The following HYDIN variants were observed in gnomAD, a reference collection of about 807,000 sequenced individuals.
The protein encoded by HYDIN is HYDIN axonemal central pair apparatus protein, also known as axonemal central pair apparatus protein HYDIN.
In HYDIN, 132 loss-of-function variants were observed where a neutral mutation model predicts 403.9. The ratio of observed to expected loss-of-function variants is 0.33; its 90% CI spans 0.28 to 0.38. The LOEUF is 0.38. Among genes scored for constraint, HYDIN ranks in the 10% least tolerant of loss-of-function variants. HYDIN has a pLI of 1.00. For missense variants in HYDIN, 2,827 were observed against 5,009.5 expected (o/e 0.56, Z 13.15); for synonymous variants, 1,202 against 1,891.7 (o/e 0.64, Z 9.46).
chr16:70,888,286 G>A (rs1296328952), intron 58 of HYDIN, among the ~76,000 whole-genome samples: 2 of 152,264 alleles, frequency 1.3e-5, no homozygotes, highest in African/African-American at 4.8e-5. Flanking sequence ...ACTGAAACCT[G>A]GACATTTTGG....
In HYDIN at chr16:70,868,680, T is replaced by C; in HGVS notation, c.11200A>G (p.Met3734Val). The change falls in exon 66 of 86, where the codon ATG (methionine) becomes GTG (valine). Residue 3734 changes from methionine to valine, a missense_variant. Met to Val is a conservative substitution (Grantham distance 21). Transcript: ENST00000393567. ...MRIRCKLSRI[M>V]FQLPADQVPD... ...ACCTGGTCTGCAGGGAGCTGAAACA[T>C]AATCCTGGAGAGCTTGCACCTGATC... 6.2e-7 allele frequency: 1 copy of C among 1,614,208 alleles called. No individual in the cohort carries two copies. Among genetic ancestry groups the C allele is most frequent in the African/African-American group, 1.3e-5 (1 of 75,068 alleles).
intron 57 of HYDIN, among the ~76,000 whole-genome samples, 164 bp downstream of exon 57, chr16:70,891,482 C>T (rs978239922): frequency 1.8e-4 from 28 of 152,386 alleles, no homozygotes; most frequent in African/African-American, 6.5e-4. Flanking sequence ...AGCCACTGCG[C>T]CCAGCTTTTG....
chr16:70,939,034 G>C (rs575445370), intron 43 of HYDIN, among the ~76,000 whole-genome samples: 545 of 152,296 alleles, frequency 3.6e-3, no homozygotes, highest in African/African-American at 0.012. Flanking sequence ...CTGCAGATGT[G>C]ATTAAATTTA....
chr16:70,872,158 T>C lies in HYDIN; in HGVS notation c.10970A>G (p.Gln3657Arg). ...LVAAALVDHI[Q>R]FGDCHIGHSY... is the part of the protein sequence containing the mutation. ...GTGTCCAATGTGGCAGTCCCCAAAT[T>C]GGATGTGGTCCACCAGAGCAGCTAG... is the stretch of plus-strand genomic sequence containing the variant. The change falls in exon 65 of 86, where the codon CAA becomes CGA. Residue 3657 changes from glutamine to arginine, a missense_variant. Physicochemically the swap from Gln to Arg is conservative, Grantham distance 43. Coordinates refer to ENST00000393567, the MANE Select transcript of HYDIN (RefSeq NM_001270974.2). The C allele has an allele frequency of 6.7e-7, 1 of 1,502,416 alleles. No individual in the cohort carries two copies. Among genetic ancestry groups the C allele is most frequent in the Non-Finnish European group, 9.0e-7 (1 of 1,107,664 alleles). The allele number at this position is 1,502,416 out of a possible 1,614,324, so 93.1% of individuals were successfully genotyped here.
rs546905536 is a variant in HYDIN, at chr16:71,224,601, G to A, written c.-24+5961C>T. 3.1e-4 allele frequency among the ~76,000 whole-genome samples: 39 copies of A among 125,978 alleles called. No homozygotes were observed. In the South Asian group the frequency reaches 6.9e-3, roughly 22 times the overall value. The allele number at this position is 125,978 out of a possible 152,430, so 82.6% of individuals were successfully genotyped here. A position where few individuals can be genotyped will look rare whatever the true frequency, so the allele number is the denominator to read the frequency against. ...TTTTGAGACGGAGTCTCGCTCTGTC[G>A]CCCAGGCTGGAGTGCAGTGGCGGGA... is the stretch of plus-strand genomic sequence containing the variant. On this transcript the variant is annotated intron_variant, in intron 1 of 85. Transcript: ENST00000393567.
At position 70,924,696 on chromosome 16, in the gene HYDIN, G is replaced by C. The variant is rs550393358; in HGVS notation, c.7159-3479C>G. ...CTATTATCCTCAGCAAACTAATGCAGGAACAGAAAACCAAATATTACGTGT... is the reference window on the plus strand; with the variant it reads ...CTATTATCCTCAGCAAACTAATGCACGAACAGAAAACCAAATATTACGTGT... On this transcript the variant is annotated intron_variant, in intron 45 of 85. Coordinates refer to ENST00000393567, the MANE Select transcript of HYDIN (RefSeq NM_001270974.2). Among the ~76,000 whole-genome samples, 72 of 28,150 alleles carry C rather than the reference G, an allele frequency of 2.6e-3. 1 individual carries two copies. The highest frequency in any genetic ancestry group is 9.5e-3 in the African/African-American group (65 of 6,822). 18.5% of individuals were successfully genotyped at this position (28,150 alleles called of 152,430 possible). A position where few individuals can be genotyped will look rare whatever the true frequency, so the allele number is the denominator to read the frequency against.
chr16:70,988,911 T>C (rs1266291690), intron 25 of HYDIN, among the ~76,000 whole-genome samples: 9 of 151,260 alleles, frequency 6.0e-5, no homozygotes, highest in Admixed American at 2.0e-4. Flanking sequence ...AGATTTGCAT[T>C]GGCAAATAGA....
Position 71,136,039 on chromosome 16 carries a change from G to A in HYDIN, c.1043+1112C>T, listed in dbSNP as rs112250138. Reference sequence around the variant, plus strand: ...GCTAATCTTTAATGAAAATGGAAAGGCAAATAAAAAAGGCTGAAATAAATT... The same window carrying A: ...GCTAATCTTTAATGAAAATGGAAAGACAAATAAAAAAGGCTGAAATAAATT... On this transcript the variant is annotated intron_variant, in intron 8 of 85. Coordinates refer to ENST00000393567, the MANE Select transcript of HYDIN (RefSeq NM_001270974.2). Among the ~76,000 whole-genome samples, 201 of 151,800 alleles carry A rather than the reference G, an allele frequency of 1.3e-3. 1 individual carries two copies. Among genetic ancestry groups the A allele is most frequent in the African/African-American group, 4.7e-3 (196 of 41,354 alleles).
At chr16:70,945,059 T>C (rs1339359790) in intron 41 of HYDIN, among the ~76,000 whole-genome samples, 1 of 152,244 alleles carries the variant, frequency 6.6e-6, no homozygotes, top group African/African-American at 2.4e-5. Flanking sequence ...AGCCTGATTT[T>C]TATTTTTAAA....
Position 71,186,841 on chromosome 16 carries a change from T to G in HYDIN, c.55A>C (p.Asn19His), listed in dbSNP as rs751399376. 21 of 1,613,350 alleles carry G rather than the reference T, an allele frequency of 1.3e-5. No individual in the cohort carries two copies. Among genetic ancestry groups the G allele is most frequent in the African/African-American group, 1.3e-5 (1 of 75,010 alleles). ...TTGCTTTGAAATCCTTTGAACATAT[T>G]GACCAATCCCATCTGAACAGCCCCC... is the stretch of plus-strand genomic sequence containing the variant. ...SMGAVQMGLV[N>H]MFKGFQSKVL... Residue 19 changes from asparagine to histidine, a missense_variant, in exon 2 of 86, where the codon AAT becomes CAT. Physicochemically the swap from Asn to His is moderately conservative, Grantham distance 68. Transcript: ENST00000393567.
intron 23 of HYDIN, among the ~76,000 whole-genome samples, chr16:70,994,321 G>T (rs1195544672): frequency 6.6e-6 from 1 of 150,994 alleles, no homozygotes; most frequent in African/African-American, 2.4e-5. Context: ...ATGGGTGTGT[G>T]GAATGTTGAA....
rs2077609132 is a variant in HYDIN, at chr16:70,939,676, C to T, written c.6854-921G>A. ...AGGGAAAGATGTTAGGACTTCTGAC[C>T]CCGGAAGTGTAAGACAATACATTTC... is the stretch of plus-strand genomic sequence containing the variant. On this transcript the variant is annotated intron_variant, in intron 43 of 85. Transcript: ENST00000393567. 1.3e-5 allele frequency among the ~76,000 whole-genome samples: 2 copies of T among 151,402 alleles called. 1 individual carries two copies. The highest frequency in any genetic ancestry group is 4.2e-4 in the South Asian group (2 of 4,722).
chr16:71,017,116 G>A (rs1193350574), intron 23 of HYDIN, among the ~76,000 whole-genome samples: 2 of 151,624 alleles, frequency 1.3e-5, no homozygotes, highest in African/African-American at 4.9e-5. Context: ...GAGGCGGGCG[G>A]ATTACCTGAG....
intron 35 of HYDIN, among the ~76,000 whole-genome samples, chr16:70,972,649 T>C (rs1318907624): frequency 6.6e-6 from 1 of 152,118 alleles, no homozygotes. Context: ...GTGCATTTAA[T>C]CTTCAAAATG....
chr16:70,862,120 C>T lies in HYDIN; in HGVS notation c.11705G>A (p.Gly3902Glu). ...VEPSSGIVPV[G>E]KIQKFKVKFS... ...TTTTACTTTGAACTTCTGAATCTTCCCCACCGGCACGATTCCCGAAGAGGG... is the reference window on the plus strand; with the variant it reads ...TTTTACTTTGAACTTCTGAATCTTCTCCACCGGCACGATTCCCGAAGAGGG... Residue 3902 changes from glycine to glutamate, a missense_variant, in exon 69 of 86, where the codon GGG becomes GAG. Gly to Glu is a moderately conservative substitution (Grantham distance 98). Transcript: ENST00000393567. 1.9e-6 allele frequency: 3 copies of T among 1,612,176 alleles called. No individual in the cohort carries two copies. The highest frequency in any genetic ancestry group is 2.5e-6 in the Non-Finnish European group (3 of 1,179,226).
chr16:70,969,015 T>C (rs2078663699), intron 36 of HYDIN, among the ~76,000 whole-genome samples: 1 of 151,618 alleles, frequency 6.6e-6, no homozygotes, highest in Non-Finnish European at 1.5e-5. Context: ...AAAAACTCAA[T>C]ATGTGGGCAG....
chr16:70,833,135 G>A lies in HYDIN; in HGVS notation c.13680-68C>T, dbSNP rs545664744. The stretch of plus-strand genomic sequence containing the variant: ...TTGTAAGGGTGTCCTCAATGCTACT[G>A]AGAACAAGAGACTGCCTAGGCTGAG... On this transcript the variant is annotated intron_variant, in intron 79 of 85. Coordinates refer to ENST00000393567, the MANE Select transcript of HYDIN (RefSeq NM_001270974.2). The A allele has an allele frequency of 1.5e-4, 208 of 1,392,244 alleles. 1 individual carries two copies. Among genetic ancestry groups the A allele is most frequent in the Admixed American group, 1.9e-4 (8 of 42,484 alleles). The allele number at this position is 1,392,244 out of a possible 1,614,324, so 86.2% of individuals were successfully genotyped here.
At chr16:70,945,581 G>A (rs2077829656) in intron 41 of HYDIN, among the ~76,000 whole-genome samples, 1 of 152,190 alleles carries the variant, frequency 6.6e-6, no homozygotes, top group East Asian at 1.9e-4. Flanking sequence ...AAACAAAAAG[G>A]AGAGTAGTAG....
intron 5 of HYDIN, among the ~76,000 whole-genome samples, chr16:71,168,736 G>C (rs1423085197): frequency 6.6e-6 from 1 of 152,172 alleles, no homozygotes; most frequent in African/African-American, 2.4e-5. Flanking sequence ...AGAAGGGACA[G>C]GTCACCTCCT....
Sources: allele counts gnomAD v4.1 joint callset (sites outside exome capture counted in the v4.1 genomes callset), GRCh38; gene constraint gnomAD v4.1.1; transcripts MANE v1.5; gene names NCBI Gene and HGNC (gene_info 2026-07-23, HGNC 2026-07-21).